ETFDH: variants seen among roughly 807,000 people sequenced by gnomAD.
ETFDH encodes the protein electron transfer flavoprotein-ubiquinone oxidoreductase, mitochondrial.
ETFDH carries 61 observed loss-of-function variants against 73.2 expected under a neutral mutation model. That is an observed-to-expected ratio of 0.83 (90% CI 0.68 to 1.03). ETFDH has a LOEUF of 1.03. Ranked by LOEUF, ETFDH falls within the 50% of genes least tolerant of loss-of-function variation. The pLI, the probability that ETFDH is intolerant of heterozygous loss-of-function variation, is 0.00. For synonymous variants in ETFDH, 243 were observed against 253.3 expected, an observed-to-expected ratio of 0.96 and a Z score of 0.39; for missense variants, 685 against 745.0, an observed-to-expected ratio of 0.92 and a Z score of 0.94.
intron 9 of ETFDH, among the ~76,000 whole-genome samples, chr4:158,701,211 T>C (rs1440832822): frequency 6.6e-6 from 1 of 152,240 alleles, no homozygotes; most frequent in Non-Finnish European, 1.5e-5. Flanking sequence ...TTGGAAGAAC[T>C]TGCACTCATA....
chr4:158,678,875 G>T (rs1773776319), intron 1 of ETFDH, among the ~76,000 whole-genome samples: 1 of 151,930 alleles, frequency 6.6e-6, no homozygotes, highest in Non-Finnish European at 1.5e-5. Context: ...TGCCTAGGAG[G>T]ATCTTGAACT....
Position 158,708,531 on chromosome 4 carries a change from GCA to G in ETFDH, c.*5_*6del. The G allele has an allele frequency of 1.2e-6, 2 of 1,611,956 alleles. No individual in the cohort carries two copies. Among genetic ancestry groups the G allele is most frequent in the Non-Finnish European group, 1.7e-6 (2 of 1,178,060 alleles). On this transcript the variant is annotated 3_prime_UTR_variant, in exon 13 of 13. Coordinates refer to ENST00000511912, the MANE Select transcript of ETFDH (RefSeq NM_004453.4). ...ACCTGCTTACAATGGAATGTAAACTGCAGCTAGCCAGTTTCTTTCAAGTATGG... is the reference window on the plus strand; with the variant it reads ...ACCTGCTTACAATGGAATGTAAACTGGCTAGCCAGTTTCTTTCAAGTATGG...
chr4:158,703,447 G>C lies in ETFDH; in HGVS notation c.1141G>C (p.Gly381Arg), dbSNP rs1466787789. The C allele has an allele frequency of 6.2e-7, 1 of 1,611,838 alleles. No homozygotes were observed. The change falls in exon 10 of 13, where the codon GGT becomes CGT. Residue 381 changes from glycine (G) to arginine (R), a missense_variant. By Grantham distance (125) the Gly-to-Arg change is moderately radical. Transcript: ENST00000511912. Reference protein sequence around the residue: ...FQSIPKLTFPGGLLIGCSPGF... With the variant: ...FQSIPKLTFPRGLLIGCSPGF... Reference sequence around the variant, plus strand: ...GTCTATACCAAAACTCACCTTTCCTGGTGGTTTACTAATTGGTTGTAGTCC... The same window carrying C: ...GTCTATACCAAAACTCACCTTTCCTCGTGGTTTACTAATTGGTTGTAGTCC...
At chr4:158,694,594 C>CAA (rs530332578) in intron 6 of ETFDH, among the ~76,000 whole-genome samples, 2 of 96,666 alleles carry the variant, frequency 2.1e-5, no homozygotes, top group Admixed American at 1.2e-4. Flanking sequence ...AACTCTGTCT[C>CAA]AAAAAAAAAA....
In ETFDH at chr4:158,708,451, A is replaced by C; in HGVS notation, c.1778A>C (p.Asp593Ala). The change falls in exon 13 of 13, where the codon GAT (aspartate) becomes GCT (alanine). Residue 593 changes from aspartate to alanine, a missense_variant. Asp to Ala is a moderately radical substitution (Grantham distance 126). Transcript: ENST00000511912. ...AQNCVHCKTC[D>A]IKDPSQNINW... is the part of the protein sequence containing the mutation. ...AACTGTGTACATTGTAAAACATGTG[A>C]TATTAAAGATCCAAGTCAGAATATT... 1 of 1,611,494 alleles carries C rather than the reference A, an allele frequency of 6.2e-7. No individual in the cohort carries two copies. The highest frequency in any genetic ancestry group is 8.5e-7 in the Non-Finnish European group (1 of 1,177,596).
At chr4:158,707,470 C>G (rs1014519501) in intron 12 of ETFDH, among the ~76,000 whole-genome samples, 1 of 152,220 alleles carries the variant, frequency 6.6e-6, no homozygotes, top group Non-Finnish European at 1.5e-5. Context: ...CTCTTACCCC[C>G]AGTCACCCAC....
rs1561242414 is a variant in ETFDH at position 158,689,631 on chromosome 4, TATATA to T, written c.607-716_607-712del. Among the ~76,000 whole-genome samples, 324 of 118,250 alleles carry T rather than the reference TATATA, an allele frequency of 2.7e-3. 26 individuals carry two copies. The highest frequency in any genetic ancestry group is 9.5e-3 in the African/African-American group (273 of 28,874). 77.6% of individuals were successfully genotyped at this position (118,250 alleles called of 152,430 possible). The stretch of plus-strand genomic sequence containing the variant: ...ATATATATATATATATATATATATA[TATATA>T]TTGTGGGGGGGTGGGTTCATATCCA... On this transcript the variant is annotated intron_variant, in intron 5 of 12. Transcript: ENST00000511912.
Position 158,708,268 on chromosome 4 carries a change from A to C in ETFDH, c.1691-96A>C. Reference sequence around the variant, plus strand: ...GGTAAGCATTCAGAAAGCAACCTTTAAGGTTTCTGTGGCTACTCTTTCCTT... The same window carrying C: ...GGTAAGCATTCAGAAAGCAACCTTTCAGGTTTCTGTGGCTACTCTTTCCTT... On this transcript the variant is annotated intron_variant, in intron 12 of 12. Transcript: ENST00000511912. 4 of 872,402 alleles carry C rather than the reference A, an allele frequency of 4.6e-6. No homozygotes were observed. The South Asian group carries it at 6.1e-5, about 13-fold the overall frequency. The allele number at this position is 872,402 out of a possible 1,614,324, so 54.0% of individuals were successfully genotyped here. A position where few individuals can be genotyped will look rare whatever the true frequency, so the allele number is the denominator to read the frequency against.
At position 158,697,654 on chromosome 4, in the gene ETFDH, C is replaced by CT; in HGVS notation, c.928dup (p.Tyr310LeufsTer5). On this transcript the variant is annotated frameshift_variant, in exon 8 of 13. Transcript: ENST00000511912. LOFTEE classifies it high-confidence loss of function. ...GACATACCTATGGAGGATCTTTCCT[C>CT]TATCATTTGAATGAAGGTGAACCCC... 6.2e-7 allele frequency: 1 copy of CT among 1,613,306 alleles called. No homozygotes were observed. The highest frequency in any genetic ancestry group is 1.1e-5 in the South Asian group (1 of 91,058).
chr4:158,675,415 C>T (rs896130089), intron 1 of ETFDH, among the ~76,000 whole-genome samples: 1 of 152,136 alleles, frequency 6.6e-6, no homozygotes, highest in African/African-American at 2.4e-5. Flanking sequence ...GGATATATCA[C>T]TTCTTACCAT....
intron 2 of ETFDH, among the ~76,000 whole-genome samples, chr4:158,681,150 C>T (rs191233855): frequency 6.6e-6 from 1 of 152,146 alleles, no homozygotes; most frequent in East Asian, 1.9e-4. Flanking sequence ...CAGCTCCATG[C>T]GTGTTATTGT....
chr4:158,676,852 A>G (rs1773722672), intron 1 of ETFDH, among the ~76,000 whole-genome samples: 1 of 152,096 alleles, frequency 6.6e-6, no homozygotes, highest in Non-Finnish European at 1.5e-5. Flanking sequence ...TTTGTATATC[A>G]TCTTTGAAGA....
chr4:158,676,845 G>T (rs1031657354), intron 1 of ETFDH, among the ~76,000 whole-genome samples: 2 of 152,194 alleles, frequency 1.3e-5, no homozygotes, highest in Middle Eastern at 3.4e-3. Flanking sequence ...TTGGCCGTTT[G>T]TATATCATCT....
chr4:158,684,587 T>C lies in ETFDH; in HGVS notation c.406-5T>C, dbSNP rs1773952101. 4 of 1,477,924 alleles carry C rather than the reference T, an allele frequency of 2.7e-6. No individual in the cohort carries two copies. In the East Asian group the frequency reaches 6.8e-5, roughly 25 times the overall value. 91.6% of individuals were successfully genotyped at this position (1,477,924 alleles called of 1,614,324 possible). On this transcript the variant is annotated splice_region_variant and splice_polypyrimidine_tract_variant and intron_variant, in intron 3 of 12. Coordinates refer to ENST00000511912, the MANE Select transcript of ETFDH (RefSeq NM_004453.4). ...AAACATTTCTTTTTCTTCTTTTATT[T>C]CTAGGCTCCACTTAACACTCCTGTA... is the stretch of plus-strand genomic sequence containing the variant.
intron 3 of ETFDH, among the ~76,000 whole-genome samples, chr4:158,684,060 A>G (rs570371995): frequency 1.8e-4 from 27 of 152,284 alleles, no homozygotes; most frequent in African/African-American, 6.0e-4. Flanking sequence ...CTCCCAAGAA[A>G]TATATTCCTG....
chr4:158,682,530 CTTT>C (rs373172859), intron 3 of ETFDH, 106 bp downstream of exon 3: 6 of 669,786 alleles, frequency 9.0e-6, no homozygotes, highest in South Asian at 2.2e-5. Flanking sequence ...GTAACTCTAT[CTTT>C]TTTTTTTTTC....
chr4:158,676,191 G>T (rs1012575215), intron 1 of ETFDH, among the ~76,000 whole-genome samples: 1 of 152,170 alleles, frequency 6.6e-6, no homozygotes, highest in Non-Finnish European at 1.5e-5. Context: ...GAGTAGGGGG[G>T]TCAGAAAGTG....
In ETFDH at chr4:158,680,518, G is replaced by C; in HGVS notation, c.86G>C (p.Cys29Ser). The C allele has an allele frequency of 6.3e-7, 1 of 1,599,948 alleles. No individual in the cohort carries two copies. The highest frequency in any genetic ancestry group is 1.1e-5 in the South Asian group (1 of 90,758). The change falls in exon 2 of 13, where the codon TGT (cysteine) becomes TCT (serine). Residue 29 changes from cysteine (C) to serine (S), a missense_variant. Cys to Ser is a moderately radical substitution (Grantham distance 112). This residue lies in a region of ETFDH where 405 missense variants were observed against 399.3 expected (regional missense o/e 1.01). Coordinates refer to ENST00000511912, the MANE Select transcript of ETFDH (RefSeq NM_004453.4). ...LKIKKNYLPL[C>S]ATRWSSTSTV... is the part of the protein sequence containing the mutation. ...ATTAAGAAAAATTATCTACCTCTATGTGCTACAAGATGGTCTTCAACTTCT... is the reference window on the plus strand; with the variant it reads ...ATTAAGAAAAATTATCTACCTCTATCTGCTACAAGATGGTCTTCAACTTCT...
At chr4:158,673,298 G>A (rs1580388076) in intron 1 of ETFDH, among the ~76,000 whole-genome samples, 1 of 152,022 alleles carries the variant, frequency 6.6e-6, no homozygotes, top group Non-Finnish European at 1.5e-5. Context: ...GCCAGACTCC[G>A]TCTCAAAAAA....
Sources: gnomAD v4.1 joint callset for allele counts (sites outside exome capture counted in the v4.1 genomes callset) on GRCh38, gnomAD v4.1.1 for gene constraint, gnomAD v4.1.1 regional missense constraint, MANE v1.5 for transcripts, NCBI Gene and HGNC (gene_info 2026-07-23, HGNC 2026-07-21) for gene names.